HYDIN: variants seen among roughly 807,000 people sequenced by gnomAD.
HYDIN encodes HYDIN axonemal central pair apparatus protein, also known as axonemal central pair apparatus protein HYDIN.
HYDIN carries 132 observed loss-of-function variants against 403.9 expected under a neutral mutation model. The ratio of observed to expected loss-of-function variants is 0.33; its 90% CI spans 0.28 to 0.38. The LOEUF (loss-of-function observed/expected upper bound fraction) is 0.38, where lower values mean the gene tolerates loss of function less well. HYDIN is among the 10% of genes least tolerant of loss of function. The pLI is 1.00. For missense variants in HYDIN, 2,827 were observed against 5,009.5 expected, an observed-to-expected ratio of 0.56 and a Z score of 13.15; for synonymous variants, 1,202 against 1,891.7, an observed-to-expected ratio of 0.64 and a Z score of 9.46.
chr16:71,016,801 A>G (rs1438626703), intron 23 of HYDIN, among the ~76,000 whole-genome samples: 1 of 151,788 alleles, frequency 6.6e-6, no homozygotes, highest in African/African-American at 2.4e-5. Context: ...AAAAGAAGGA[A>G]ATTCTGCAAT....
intron 10 of HYDIN, among the ~76,000 whole-genome samples, chr16:71,105,155 A>G (rs1403476321): frequency 3.3e-5 from 5 of 152,186 alleles, no homozygotes; most frequent in African/African-American, 1.2e-4. Flanking sequence ...TCAATGAATT[A>G]AAAACTGAAC....
At chr16:71,143,862 T>A (rs934594262) in intron 7 of HYDIN, among the ~76,000 whole-genome samples, 2 of 152,312 alleles carry the variant, frequency 1.3e-5, no homozygotes, top group African/African-American at 4.8e-5. Flanking sequence ...GAGTAAAATA[T>A]GTAAATTACT....
At chr16:71,010,462 C>T (rs897237886) in intron 23 of HYDIN, among the ~76,000 whole-genome samples, 5 of 152,058 alleles carry the variant, frequency 3.3e-5, no homozygotes, top group South Asian at 2.1e-4. Flanking sequence ...TCAAAGCTGC[C>T]TCTGGAGTGC....
chr16:71,114,822 T>G (rs2083959457), intron 10 of HYDIN, among the ~76,000 whole-genome samples: 1 of 97,096 alleles, frequency 1.0e-5, no homozygotes, highest in Non-Finnish European at 2.1e-5. Context: ...TCATCCTCAA[T>G]GTATTTACTT....
intron 18 of HYDIN, among the ~76,000 whole-genome samples, chr16:71,046,483 C>T (rs1474118878): frequency 7.2e-5 from 11 of 151,736 alleles, no homozygotes; most frequent in African/African-American, 2.4e-4. Context: ...TGTCCTAACA[C>T]CCCAGAGGGA....
At chr16:71,046,778 T>C (rs1336773482) in intron 18 of HYDIN, among the ~76,000 whole-genome samples, 2 of 152,234 alleles carry the variant, frequency 1.3e-5, no homozygotes, top group Non-Finnish European at 2.9e-5. Context: ...TTTCTTCTTG[T>C]TTTTCTTCAT....
intron 5 of HYDIN, among the ~76,000 whole-genome samples, chr16:71,175,206 C>G (rs1352674554): frequency 6.6e-6 from 1 of 151,458 alleles, no homozygotes; most frequent in Non-Finnish European, 1.5e-5. Context: ...TCAATGACAA[C>G]AATATTACCA....
intron 47 of HYDIN, among the ~76,000 whole-genome samples, chr16:70,913,229 T>G (rs2076743270): frequency 6.6e-6 from 1 of 151,990 alleles, no homozygotes; most frequent in African/African-American, 2.4e-5. Context: ...TGACCTTAGA[T>G]TGGCAGTTAG....
intron 12 of HYDIN, among the ~76,000 whole-genome samples, chr16:71,082,499 T>C (rs2082814401): frequency 6.6e-6 from 1 of 151,020 alleles, no homozygotes; most frequent in Non-Finnish European, 1.5e-5. Context: ...GTCAGGTTTG[T>C]TGAAGGAAAC....
chr16:70,871,048 A>C (rs2040063570), intron 65 of HYDIN, among the ~76,000 whole-genome samples: 1 of 152,126 alleles, frequency 6.6e-6, no homozygotes, highest in African/African-American at 2.4e-5. Flanking sequence ...ACAAAAACAA[A>C]AAAAAGTAGT....
chr16:71,178,127 T>C (rs1393412760), intron 4 of HYDIN, among the ~76,000 whole-genome samples: 2 of 152,072 alleles, frequency 1.3e-5, no homozygotes, highest in African/African-American at 2.4e-5. Flanking sequence ...AAAATACAAA[T>C]ATAAATGCTC....
At chr16:70,889,953 C>G (rs1173178691) in intron 57 of HYDIN, among the ~76,000 whole-genome samples, 1 of 152,260 alleles carries the variant, frequency 6.6e-6, no homozygotes, top group East Asian at 1.9e-4. Flanking sequence ...AAAATTACTG[C>G]AAGAAGATAG....
At chr16:71,066,872 C>G in intron 15 of HYDIN, 1 of 512,952 alleles carries the variant, frequency 1.9e-6, no homozygotes, top group Non-Finnish European at 3.8e-6. Context: ...GACCTCTTGG[C>G]TCTATGGATC....
chr16:70,868,122 G>A (rs1268731718), intron 66 of HYDIN, among the ~76,000 whole-genome samples: 7 of 151,666 alleles, frequency 4.6e-5, no homozygotes, highest in South Asian at 4.2e-4. Flanking sequence ...TCTACTTCCC[G>A]TGTTGGGTGT....
chr16:71,229,384 C>G (rs1348261136), intron 1 of HYDIN, among the ~76,000 whole-genome samples: 1 of 152,094 alleles, frequency 6.6e-6, no homozygotes, highest in African/African-American at 2.4e-5. Flanking sequence ...TTAATACTTA[C>G]CATATAACCT....
At chr16:71,117,954 C>A (rs1013848644) in intron 9 of HYDIN, among the ~76,000 whole-genome samples, 3 of 151,832 alleles carry the variant, frequency 2.0e-5, no homozygotes, top group Non-Finnish European at 2.9e-5. Context: ...AAATATTATG[C>A]AGGTATGATA....
At chr16:71,215,774 A>G (rs2088845096) in intron 1 of HYDIN, among the ~76,000 whole-genome samples, 1 of 128,026 alleles carries the variant, frequency 7.8e-6, no homozygotes, top group East Asian at 2.7e-4. Flanking sequence ...CTCCTACAAA[A>G]CAATATTAAA....
chr16:71,130,908 TC>T (rs1256473587), intron 8 of HYDIN, among the ~76,000 whole-genome samples: 20 of 147,486 alleles, frequency 1.4e-4, no homozygotes, highest in Non-Finnish European at 2.2e-4. Flanking sequence ...TTAATATCCA[TC>T]GTGATAAGAG....
chr16:71,015,868 A>C (rs368546078), intron 23 of HYDIN, among the ~76,000 whole-genome samples: 41 of 150,230 alleles, frequency 2.7e-4, no homozygotes, highest in African/African-American at 9.8e-4. Context: ...CAATAAGGAA[A>C]TATACAAAGC....
Sources: gnomAD v4.1 joint callset for allele counts (sites outside exome capture counted in the v4.1 genomes callset) on GRCh38, gnomAD v4.1.1 for gene constraint, MANE v1.5 for transcripts, NCBI Gene and HGNC (gene_info 2026-07-23, HGNC 2026-07-21) for gene names.